CNTN5: variants seen among roughly 807,000 people sequenced by gnomAD.
CNTN5 encodes contactin-5.
In CNTN5, 77 loss-of-function variants were observed where a neutral mutation model predicts 129.1. The observed-to-expected ratio is 0.60, with a 90% CI of 0.50 to 0.72. The LOEUF is 0.72. Ranked by LOEUF, CNTN5 falls within the 30% of genes least tolerant of loss-of-function variation. The pLI is 0.00. For synonymous variants in CNTN5, 509 were observed against 465.6 expected (o/e 1.09, Z -1.20); for missense variants, 1,478 against 1,328.8 (o/e 1.11, Z -1.75).
At chr11:100,256,613 T>A (rs1944189) in intron 17 of CNTN5, among the ~76,000 whole-genome samples, 48,725 of 151,820 alleles carry the variant, frequency 0.32, 7,928 homozygotes, top group Non-Finnish European at 0.35. Context: ...GCTCATCTCA[T>A]TGGGACTGGT....
At chr11:100,161,889 A>C (rs1231351579) in intron 13 of CNTN5, among the ~76,000 whole-genome samples, 1 of 150,258 alleles carries the variant, frequency 6.7e-6, no homozygotes, top group Non-Finnish European at 1.5e-5. Flanking sequence ...AAAAACAAAA[A>C]ACAAAAAACA....
chr11:100,246,584 A>G (rs1949845769), intron 16 of CNTN5, among the ~76,000 whole-genome samples: 1 of 152,146 alleles, frequency 6.6e-6, no homozygotes, highest in Non-Finnish European at 1.5e-5. Flanking sequence ...CACAGTTTGA[A>G]AGTTACTAAG....
intron 2 of CNTN5, among the ~76,000 whole-genome samples, chr11:99,327,058 T>C (rs948434895): frequency 1.3e-5 from 2 of 152,172 alleles, no homozygotes; most frequent in African/African-American, 2.4e-5. Flanking sequence ...AATCAAACTC[T>C]ATATTTTTTT....
At chr11:99,387,277 C>A (rs1940975690) in intron 2 of CNTN5, among the ~76,000 whole-genome samples, 2 of 152,170 alleles carry the variant, frequency 1.3e-5, no homozygotes. Context: ...CCAGTTAAGA[C>A]CAATATGTTG....
chr11:99,614,906 G>A (rs892733463), intron 3 of CNTN5, among the ~76,000 whole-genome samples: 3 of 151,714 alleles, frequency 2.0e-5, no homozygotes, highest in East Asian at 3.9e-4. Flanking sequence ...TCAAGAACAA[G>A]GTAGAATTTA....
At chr11:100,314,801 C>A (rs1951545685) in intron 21 of CNTN5, among the ~76,000 whole-genome samples, 1 of 152,178 alleles carries the variant, frequency 6.6e-6, no homozygotes, top group Admixed American at 6.5e-5. Flanking sequence ...ACTGCAGGTT[C>A]TCCTGATTTG....
At chr11:100,251,651 A>G (rs896372746) in intron 16 of CNTN5, among the ~76,000 whole-genome samples, 1 of 152,022 alleles carries the variant, frequency 6.6e-6, no homozygotes, top group Non-Finnish European at 1.5e-5. Flanking sequence ...GCTTTCACAT[A>G]TAAGTGAGAA....
intron 8 of CNTN5, among the ~76,000 whole-genome samples, chr11:99,988,708 G>T (rs555720514): frequency 6.6e-6 from 1 of 152,172 alleles, no homozygotes; most frequent in African/African-American, 2.4e-5. Context: ...GTTAGCAGCA[G>T]GAGTTCATGA....
chr11:100,164,616 T>G (rs1198211174), intron 13 of CNTN5, among the ~76,000 whole-genome samples: 1 of 151,850 alleles, frequency 6.6e-6, no homozygotes, highest in East Asian at 1.9e-4. Flanking sequence ...ATACCATAAA[T>G]TATAACACTA....
chr11:99,822,027 A>G (rs766510907), intron 4 of CNTN5, among the ~76,000 whole-genome samples: 1 of 152,206 alleles, frequency 6.6e-6, no homozygotes, highest in Non-Finnish European at 1.5e-5. Context: ...TTCTCTGACA[A>G]GAGTCTGACG....
chr11:99,949,386 A>G (rs752963125), intron 7 of CNTN5, among the ~76,000 whole-genome samples: 1 of 152,086 alleles, frequency 6.6e-6, no homozygotes, highest in Non-Finnish European at 1.5e-5. Context: ...TAACATTTTC[A>G]CAAATTTGAT....
At chr11:99,467,766 T>C (rs1390437204) in intron 2 of CNTN5, among the ~76,000 whole-genome samples, 2 of 152,182 alleles carry the variant, frequency 1.3e-5, no homozygotes, top group Non-Finnish European at 2.9e-5. Context: ...TATATTTAAA[T>C]GTTGCTGTTT....
intron 13 of CNTN5, among the ~76,000 whole-genome samples, chr11:100,153,146 C>T (rs1947123601): frequency 1.3e-5 from 2 of 152,088 alleles, no homozygotes; most frequent in Non-Finnish European, 2.9e-5. Context: ...CAGCTAGTAT[C>T]AAATAATCAA....
At chr11:99,106,247 G>C (rs1866988508) in intron 1 of CNTN5, among the ~76,000 whole-genome samples, 2 of 151,964 alleles carry the variant, frequency 1.3e-5, no homozygotes, top group Admixed American at 1.3e-4. Flanking sequence ...TGGGAAATAT[G>C]CAGAAAAATA....
chr11:99,619,272 A>G (rs1950856001), intron 3 of CNTN5, among the ~76,000 whole-genome samples: 1 of 148,478 alleles, frequency 6.7e-6, no homozygotes, highest in South Asian at 2.1e-4. Context: ...TAGAGCCTAT[A>G]TTAAATTCTA....
chr11:100,239,817 G>GTGTCAGCATTCTCATT (rs1370890912), intron 16 of CNTN5, among the ~76,000 whole-genome samples: 1 of 152,170 alleles, frequency 6.6e-6, no homozygotes, highest in African/African-American at 2.4e-5. Flanking sequence ...TTATACTGAA[G>GTGTCAGCATTCTCATT]TGTCAGCATT....
At chr11:99,779,562 T>A (rs1945241948) in intron 3 of CNTN5, among the ~76,000 whole-genome samples, 1 of 152,014 alleles carries the variant, frequency 6.6e-6, no homozygotes, top group African/African-American at 2.4e-5. Context: ...TCTTACTTGT[T>A]TTCTGTGTGC....
intron 16 of CNTN5, among the ~76,000 whole-genome samples, chr11:100,240,322 C>T (rs759188492): frequency 1.3e-3 from 190 of 151,876 alleles, no homozygotes; most frequent in Non-Finnish European, 8.2e-4. Flanking sequence ...ATGGTGGCAT[C>T]GGGATAGTAC....
At chr11:99,377,040 C>T (rs1044135950) in intron 2 of CNTN5, among the ~76,000 whole-genome samples, 3 of 152,160 alleles carry the variant, frequency 2.0e-5, no homozygotes, top group African/African-American at 7.2e-5. Context: ...TAAGGAAGGG[C>T]TTAAGAAAGG....
Sources: allele counts gnomAD v4.1 joint callset (sites outside exome capture counted in the v4.1 genomes callset), GRCh38; gene constraint gnomAD v4.1.1; transcripts MANE v1.5; gene names NCBI Gene and HGNC (gene_info 2026-07-23, HGNC 2026-07-21).